The following ADAMTSL1 variants were observed in gnomAD, a reference collection of about 807,000 sequenced individuals.
ADAMTSL1 encodes the protein ADAMTS like 1.
A neutral mutation model predicts 201.8 loss-of-function variants in ADAMTSL1; 126 were observed. The observed-to-expected ratio is 0.62, with a 90% confidence interval of 0.54 to 0.72. The LOEUF is 0.72. ADAMTSL1 is among the 30% of genes least tolerant of loss of function. The probability of loss-of-function intolerance (pLI) is 0.00; values close to 1 mark genes in which losing one functional copy is unlikely to be tolerated. For missense variants in ADAMTSL1, 2,679 were observed against 2,277.8 expected, an observed-to-expected ratio of 1.18 and a Z score of -3.59; for synonymous variants, 1,121 against 903.4, an observed-to-expected ratio of 1.24 and a Z score of -4.32.
At chr9:18,497,315 G>T (rs1174365872) in intron 1 of ADAMTSL1, among the ~76,000 whole-genome samples, 1 of 149,288 alleles carries the variant, frequency 6.7e-6, no homozygotes, top group East Asian at 2.0e-4. Flanking sequence ...ACAGGATACA[G>T]TTCTCCTGTT....
intron 2 of ADAMTSL1, among the ~76,000 whole-genome samples, chr9:18,259,503 C>T (rs1466004236): frequency 7.0e-6 from 1 of 142,294 alleles, no homozygotes; most frequent in East Asian, 2.0e-4. Flanking sequence ...CAGAATAACT[C>T]TGTCTCAAAA....
chr9:18,248,651 A>T (rs1302670120), intron 2 of ADAMTSL1, among the ~76,000 whole-genome samples: 1 of 152,154 alleles, frequency 6.6e-6, no homozygotes, highest in East Asian at 1.9e-4. Flanking sequence ...CAGGACTAGG[A>T]TTCTTCCACG....
chr9:18,095,416 C>CCTT lies in ADAMTSL1; in HGVS notation c.88-68446_88-68445insCTT, dbSNP rs1371286278. Among the ~76,000 whole-genome samples, 735 of 100,182 alleles carry CCTT rather than the reference C, an allele frequency of 7.3e-3. 12 individuals carry two copies. The highest frequency in any genetic ancestry group is 0.012 in the Non-Finnish European group (588 of 49,734). The allele number at this position is 100,182 out of a possible 152,430, so 65.7% of individuals were successfully genotyped here. A position where few individuals can be genotyped will look rare whatever the true frequency, so the allele number is the denominator to read the frequency against. On this transcript the variant is annotated intron_variant, in intron 1 of 29. Coordinates refer to the ADAMTSL1 transcript ENST00000680146. The stretch of plus-strand genomic sequence containing the variant: ...TCCCTGATAAGTTTCTTCTTTCTTT[C>CCTT]TTTTTTTTTTTTTTTTTTTTTTTTG...
intron 2 of ADAMTSL1, among the ~76,000 whole-genome samples, chr9:18,244,227 T>C (rs1043360351): frequency 6.6e-6 from 1 of 152,018 alleles, no homozygotes; most frequent in Non-Finnish European, 1.5e-5. Flanking sequence ...GCCAAGAGTG[T>C]GGAAGAGAGA....
intron 25 of ADAMTSL1, chr9:18,890,723 C>CT (rs892302598): frequency 8.3e-6 from 3 of 361,920 alleles, no homozygotes; most frequent in African/African-American, 2.2e-5. Flanking sequence ...TTTCTCAAAC[C>CT]CCCCCCACCC....
intron 1 of ADAMTSL1, among the ~76,000 whole-genome samples, chr9:18,079,682 A>AAACT (rs1823394548): frequency 1.4e-5 from 2 of 141,700 alleles, no homozygotes; most frequent in South Asian, 4.6e-4. Context: ...ACTCTGTCTC[A>AAACT]AAATAAATAA....
chr9:18,551,560 T>G (rs983481582), intron 3 of ADAMTSL1, among the ~76,000 whole-genome samples: 2 of 151,454 alleles, frequency 1.3e-5, no homozygotes, highest in Admixed American at 1.3e-4. Flanking sequence ...TTTTTTTTTT[T>G]TTTAAGTCTA....
chr9:18,646,632 C>G (rs1827829378), intron 7 of ADAMTSL1, among the ~76,000 whole-genome samples: 6 of 148,786 alleles, frequency 4.0e-5, no homozygotes. Flanking sequence ...GCCTTTTCTG[C>G]ATCTATTGAG....
chr9:18,226,618 G>C (rs1451398675), intron 2 of ADAMTSL1, among the ~76,000 whole-genome samples: 1 of 151,958 alleles, frequency 6.6e-6, no homozygotes, highest in African/African-American at 2.4e-5. Context: ...CTACGCATAA[G>C]TCTTCACCTG....
chr9:18,193,494 C>T (rs1829053279), intron 2 of ADAMTSL1, among the ~76,000 whole-genome samples: 1 of 152,120 alleles, frequency 6.6e-6, no homozygotes, highest in South Asian at 2.1e-4. Flanking sequence ...TTCTGGCTCT[C>T]TCTCTCTTCC....
At chr9:18,344,327 A>C (rs951491653) in intron 2 of ADAMTSL1, among the ~76,000 whole-genome samples, 1 of 151,798 alleles carries the variant, frequency 6.6e-6, no homozygotes, top group Non-Finnish European at 1.5e-5. Flanking sequence ...TAATTAACAA[A>C]ATTTATTTTT....
intron 2 of ADAMTSL1, among the ~76,000 whole-genome samples, chr9:18,319,694 C>T (rs941198638): frequency 6.6e-6 from 1 of 152,288 alleles, no homozygotes; most frequent in South Asian, 2.1e-4. Context: ...ATAGATTTCA[C>T]ATGGAAGAAC....
At chr9:18,166,610 C>T (rs766989762) in intron 2 of ADAMTSL1, among the ~76,000 whole-genome samples, 1 of 151,842 alleles carries the variant, frequency 6.6e-6, no homozygotes, top group African/African-American at 2.4e-5. Flanking sequence ...GTGGAAGTAA[C>T]AAATGTATCC....
At chr9:18,832,903 C>A (rs1203872182) in intron 23 of ADAMTSL1, among the ~76,000 whole-genome samples, 4 of 152,192 alleles carry the variant, frequency 2.6e-5, no homozygotes, top group Non-Finnish European at 5.9e-5. Flanking sequence ...CCCTGATTTT[C>A]ATGTTTCCCA....
At chr9:18,884,738 C>T (rs572250295) in intron 23 of ADAMTSL1, among the ~76,000 whole-genome samples, 1 of 152,248 alleles carries the variant, frequency 6.6e-6, no homozygotes, top group Admixed American at 6.5e-5. Context: ...GGTCTCTATT[C>T]TGTTCTTTTG....
At chr9:18,409,383 CA>C (rs781106126) in intron 2 of ADAMTSL1, among the ~76,000 whole-genome samples, 885 of 77,182 alleles carry the variant, frequency 0.011, 5 homozygotes, top group Middle Eastern at 0.015. Context: ...AACTCCGTCT[CA>C]AAAAAAAAAA....
Position 18,706,839 on chromosome 9 carries a change from C to G in ADAMTSL1, c.1667C>G (p.Ser556Cys). ...IVRCQVLLSF[S>C]QSVADLPIDE... ...AGGTGCCAGGTGCTCCTGTCTTTCT[C>G]TCAGTCCGTGGCTGACCTGCCTATT... is the stretch of plus-strand genomic sequence containing the variant. The change falls in exon 14 of 29, where the codon TCT becomes TGT. Residue 556 changes from serine to cysteine, a missense_variant. Transcript: ENST00000380548. 1 of 1,612,542 alleles carries G rather than the reference C, an allele frequency of 6.2e-7. No homozygotes were observed. Among genetic ancestry groups the G allele is most frequent in the Non-Finnish European group, 8.5e-7 (1 of 1,179,216 alleles).
At chr9:18,382,827 T>C (rs1837615494) in intron 2 of ADAMTSL1, among the ~76,000 whole-genome samples, 1 of 152,178 alleles carries the variant, frequency 6.6e-6, no homozygotes, top group Admixed American at 6.5e-5. Context: ...TGATGAACAA[T>C]GCTCATTATA....
At chr9:18,477,921 A>G (rs1821535972) in intron 1 of ADAMTSL1, among the ~76,000 whole-genome samples, 2 of 152,168 alleles carry the variant, frequency 1.3e-5, no homozygotes, top group African/African-American at 4.8e-5. Context: ...CTAGTGAACT[A>G]CAGAAGAATC....
Sources: allele counts gnomAD v4.1 joint callset (sites outside exome capture counted in the v4.1 genomes callset), GRCh38; gene constraint gnomAD v4.1.1; transcripts MANE v1.5; gene names NCBI Gene and HGNC (gene_info 2026-07-23, HGNC 2026-07-21).